TENT5C: variants seen among roughly 807,000 people sequenced by gnomAD.
TENT5C encodes terminal nucleotidyltransferase 5C.
Under a neutral mutation model 22.2 loss-of-function variants are expected in TENT5C, and 5 were observed. That is an observed-to-expected ratio of 0.22 (90% CI 0.12 to 0.47). The LOEUF (loss-of-function observed/expected upper bound fraction) is 0.47, where lower values mean the gene tolerates loss of function less well. Ranked by LOEUF, TENT5C falls within the 20% of genes least tolerant of loss-of-function variation. The pLI, the probability that TENT5C is intolerant of heterozygous loss-of-function variation, is 0.99. For synonymous variants in TENT5C, 199 were observed against 195.4 expected (o/e 1.02, Z -0.15); for missense variants, 364 against 500.9 (o/e 0.73, Z 2.61).
intron 1 of TENT5C, among the ~76,000 whole-genome samples, chr1:117,613,435 T>C (rs1370609703): frequency 1.3e-5 from 2 of 152,218 alleles, no homozygotes; most frequent in East Asian, 3.8e-4. Flanking sequence ...TCCAGCGTTA[T>C]CTCTCCACCC....
chr1:117,611,377 G>C (rs889441826), intron 1 of TENT5C, among the ~76,000 whole-genome samples: 3 of 152,234 alleles, frequency 2.0e-5, no homozygotes, highest in Non-Finnish European at 4.4e-5. Flanking sequence ...CTCTGCTTCT[G>C]AGGCTGACTT....
chr1:117,609,984 G>C (rs890653099), intron 1 of TENT5C, among the ~76,000 whole-genome samples: 1 of 152,116 alleles, frequency 6.6e-6, no homozygotes, highest in Non-Finnish European at 1.5e-5. Context: ...AACTCCTCAA[G>C]CTGAGCTCCA....
chr1:117,613,686 A>T (rs1653717906), intron 1 of TENT5C, among the ~76,000 whole-genome samples: 1 of 152,190 alleles, frequency 6.6e-6, no homozygotes, highest in South Asian at 2.1e-4. Flanking sequence ...GTGGGAATCT[A>T]ACCACATTTT....
intron 1 of TENT5C, among the ~76,000 whole-genome samples, chr1:117,614,905 T>A (rs1407060310): frequency 6.6e-6 from 1 of 152,180 alleles, no homozygotes; most frequent in Admixed American, 6.5e-5. Context: ...TCACCACTGT[T>A]CTGCAACGTA....
In TENT5C at chr1:117,628,139, A is replaced by C; in HGVS notation, c.*4095A>C. 1 of 247,996 alleles carries C rather than the reference A, an allele frequency of 4.0e-6. No homozygotes were observed. The highest frequency in any genetic ancestry group is 8.5e-6 in the Non-Finnish European group (1 of 118,056). 15.4% of individuals were successfully genotyped at this position (247,996 alleles called of 1,614,324 possible). ...TTTCTAAGGTAGCAACTTATTTCCA[A>C]ATTAATATAGATGAAAAATAGATAC... On this transcript the variant is annotated 3_prime_UTR_variant, in exon 2 of 2. Transcript: ENST00000369448.
chr1:117,616,113 C>T (rs1357264943), intron 1 of TENT5C, among the ~76,000 whole-genome samples: 2 of 152,214 alleles, frequency 1.3e-5, no homozygotes, highest in Non-Finnish European at 2.9e-5. Context: ...TTCCCAGACA[C>T]TAGTCTCGCA....
Position 117,626,893 on chromosome 1 carries a change from T to A in TENT5C, c.*2849T>A, listed in dbSNP as rs1654025742. ...CTGCTGCTTGGAGTCAGGTTGAGCA[T>A]CAGTGAGATGAAGACAGTACCTTTT... On this transcript the variant is annotated 3_prime_UTR_variant, in exon 2 of 2. Coordinates refer to ENST00000369448, the MANE Select transcript of TENT5C (RefSeq NM_017709.4). 4.0e-6 allele frequency: 1 copy of A among 248,106 alleles called. No homozygotes were observed. Among genetic ancestry groups the A allele is most frequent in the Non-Finnish European group, 8.5e-6 (1 of 118,152 alleles). The allele number at this position is 248,106 out of a possible 1,614,324, so 15.4% of individuals were successfully genotyped here. A position where few individuals can be genotyped will look rare whatever the true frequency, so the allele number is the denominator to read the frequency against.
At chr1:117,616,548 C>G (rs1027312124) in intron 1 of TENT5C, among the ~76,000 whole-genome samples, 2 of 152,164 alleles carry the variant, frequency 1.3e-5, no homozygotes, top group Non-Finnish European at 2.9e-5. Context: ...TGGCCAGGAG[C>G]CAGGGCCCAC....
intron 1 of TENT5C, among the ~76,000 whole-genome samples, chr1:117,617,042 G>T (rs1453055782): frequency 1.3e-5 from 2 of 152,192 alleles, no homozygotes; most frequent in Admixed American, 6.5e-5. Context: ...CGAATTGACT[G>T]TGTGCAAATG....
Position 117,626,294 on chromosome 1 carries a change from TC to T in TENT5C, c.*2257del, listed in dbSNP as rs372206488. The T allele has an allele frequency of 4.0e-6, 1 of 247,680 alleles. No homozygotes were observed. The highest frequency in any genetic ancestry group is 8.5e-6 in the Non-Finnish European group (1 of 117,932). The allele number at this position is 247,680 out of a possible 1,614,324, so 15.3% of individuals were successfully genotyped here. On this transcript the variant is annotated 3_prime_UTR_variant, in exon 2 of 2. Transcript: ENST00000369448. ...TGGGGTTCTTTCTGCTTATGTTTTT[TC>T]CCCCCCATCTGGTAATAGTCCTCTT... is the stretch of plus-strand genomic sequence containing the variant.
chr1:117,612,582 A>G (rs1209512708), intron 1 of TENT5C, among the ~76,000 whole-genome samples: 2 of 152,334 alleles, frequency 1.3e-5, no homozygotes, highest in East Asian at 3.9e-4. Flanking sequence ...AACGCTAAAC[A>G]TGAGCTGCTG....
intron 1 of TENT5C, among the ~76,000 whole-genome samples, chr1:117,618,727 A>C (rs1653836616): frequency 6.6e-6 from 1 of 152,228 alleles, no homozygotes; most frequent in African/African-American, 2.4e-5. Flanking sequence ...ATAGATTCCA[A>C]ATTCAAAGGG....
chr1:117,622,799 G>A (rs1570863959), intron 1 of TENT5C, 43 bp from the exon 2 acceptor site: 1 of 1,401,310 alleles, frequency 7.1e-7, no homozygotes, highest in African/African-American at 1.4e-5. Context: ...GCTTTGCCAT[G>A]TAGAAGTGAA....
intron 1 of TENT5C, among the ~76,000 whole-genome samples, chr1:117,618,750 TTTC>T (rs563684067): frequency 1.3e-4 from 20 of 152,220 alleles, no homozygotes; most frequent in Non-Finnish European, 2.4e-4. Context: ...CAAAATAAGT[TTTC>T]TTCTTCTAAC....
chr1:117,618,233 A>G (rs779395111), intron 1 of TENT5C, among the ~76,000 whole-genome samples: 2 of 152,214 alleles, frequency 1.3e-5, no homozygotes, highest in Non-Finnish European at 2.9e-5. Context: ...TGTTTGTTAA[A>G]GTTTTTGCAG....
In TENT5C at chr1:117,625,884, A is replaced by C. The variant is rs546286689; in HGVS notation, c.*1840A>C. 18 of 247,944 alleles carry C rather than the reference A, an allele frequency of 7.3e-5. No individual in the cohort carries two copies. Among genetic ancestry groups the C allele is most frequent in the Non-Finnish European group, 1.2e-4 (14 of 118,084 alleles). The allele number at this position is 247,944 out of a possible 1,614,324, so 15.4% of individuals were successfully genotyped here. On this transcript the variant is annotated 3_prime_UTR_variant, in exon 2 of 2. Coordinates refer to ENST00000369448, the MANE Select transcript of TENT5C (RefSeq NM_017709.4). ...CTAGAAGCCACTTCTTAGTGTAATC[A>C]GCTCCTGTTTCCCTGTGAGCCTTAG...
rs1278353585 is a variant in TENT5C at position 117,624,808 on chromosome 1, G to A, written c.*764G>A. On this transcript the variant is annotated 3_prime_UTR_variant, in exon 2 of 2. Coordinates refer to ENST00000369448, the MANE Select transcript of TENT5C (RefSeq NM_017709.4). ...ATAATGTTTAATTAGAATTGTGGTGGTGGTAGTGGAAGGGGATAATTGTAA... is the reference window on the plus strand; with the variant it reads ...ATAATGTTTAATTAGAATTGTGGTGATGGTAGTGGAAGGGGATAATTGTAA... 2 of 247,872 alleles carry A rather than the reference G, an allele frequency of 8.1e-6. No homozygotes were observed. Among genetic ancestry groups the A allele is most frequent in the Admixed American group, 5.6e-5 (1 of 17,790 alleles). The allele number at this position is 247,872 out of a possible 1,614,324, so 15.4% of individuals were successfully genotyped here.
chr1:117,622,224 A>G (rs1215082724), intron 1 of TENT5C, among the ~76,000 whole-genome samples: 1 of 152,158 alleles, frequency 6.6e-6, no homozygotes, highest in African/African-American at 2.4e-5. Context: ...AAGGGAATAT[A>G]CTTTATTCTA....
chr1:117,607,530 A>G (rs1244599196), intron 1 of TENT5C, among the ~76,000 whole-genome samples: 2 of 152,184 alleles, frequency 1.3e-5, no homozygotes, highest in African/African-American at 4.8e-5. Flanking sequence ...CAGCCCAGGA[A>G]ATAAAGTTAG....
Sources: allele counts gnomAD v4.1 joint callset (sites outside exome capture counted in the v4.1 genomes callset), GRCh38; gene constraint gnomAD v4.1.1; transcripts MANE v1.5; gene names NCBI Gene and HGNC (gene_info 2026-07-23, HGNC 2026-07-21).